Variants in CCSER1 observed in about 807,000 individuals in gnomAD.
The protein encoded by CCSER1 is serine-rich coiled-coil domain-containing protein 1.
In CCSER1, 41 loss-of-function variants were observed where a neutral mutation model predicts 82.0. The ratio of observed to expected loss-of-function variants is 0.50; its 90% confidence interval spans 0.39 to 0.65. The LOEUF (loss-of-function observed/expected upper bound fraction) is 0.65. Ranked by LOEUF, CCSER1 falls within the 30% of genes least tolerant of loss-of-function variation. The pLI, the probability that CCSER1 is intolerant of heterozygous loss-of-function variation, is 0.00. For missense variants in CCSER1, 1,119 were observed against 1,064.2 expected, an observed-to-expected ratio of 1.05 and a Z score of -0.72; for synonymous variants, 414 against 383.9, an observed-to-expected ratio of 1.08 and a Z score of -0.92.
intron 9 of CCSER1, among the ~76,000 whole-genome samples, chr4:91,003,319 G>A (rs928875844): frequency 6.6e-6 from 1 of 152,170 alleles, no homozygotes; most frequent in Non-Finnish European, 1.5e-5. Context: ...TCAGTTACCA[G>A]GGTTGGTAGG....
chr4:91,510,521 AT>A (rs1560727071), intron 10 of CCSER1, among the ~76,000 whole-genome samples: 1 of 152,176 alleles, frequency 6.6e-6, no homozygotes, highest in Non-Finnish European at 1.5e-5. Flanking sequence ...AATAATAACC[AT>A]TCTGACTGAC....
intron 5 of CCSER1, among the ~76,000 whole-genome samples, chr4:90,591,449 G>A (rs12646504): frequency 0.32 from 49,200 of 151,946 alleles, 8,556 homozygotes; most frequent in East Asian, 0.47. Context: ...CACCATCACT[G>A]GTCATTAGAG....
At chr4:90,349,748 C>A (rs1743084112) in intron 3 of CCSER1, among the ~76,000 whole-genome samples, 2 of 151,964 alleles carry the variant, frequency 1.3e-5, no homozygotes, top group South Asian at 4.1e-4. Context: ...ATTAGAGTTA[C>A]AACAGTAACT....
chr4:90,241,717 A>G (rs1746878217), intron 1 of CCSER1, among the ~76,000 whole-genome samples: 1 of 152,228 alleles, frequency 6.6e-6, no homozygotes. Flanking sequence ...ACATGAATAA[A>G]TCCAACAGAT....
intron 1 of CCSER1, among the ~76,000 whole-genome samples, chr4:90,192,100 GT>G (rs1213010449): frequency 1.3e-5 from 2 of 152,144 alleles, no homozygotes; most frequent in Non-Finnish European, 2.9e-5. Flanking sequence ...AAGGAAAGAG[GT>G]TTAATTGGAC....
chr4:90,375,996 G>A (rs1369953146), intron 3 of CCSER1, among the ~76,000 whole-genome samples: 1 of 152,112 alleles, frequency 6.6e-6, no homozygotes, highest in Admixed American at 6.6e-5. Flanking sequence ...AAAAACACTT[G>A]TTCTAGGGGC....
At chr4:90,206,177 T>A (rs1483453137) in intron 1 of CCSER1, among the ~76,000 whole-genome samples, 1 of 152,108 alleles carries the variant, frequency 6.6e-6, no homozygotes, top group Non-Finnish European at 1.5e-5. Flanking sequence ...TTTGAAGGGT[T>A]TTTTTGTGTC....
chr4:91,423,528 A>G (rs1753799717), intron 10 of CCSER1, among the ~76,000 whole-genome samples: 1 of 152,152 alleles, frequency 6.6e-6, no homozygotes, highest in Non-Finnish European at 1.5e-5. Flanking sequence ...AGGTGAAAGA[A>G]ATACTTAATA....
rs562928375 is a variant in CCSER1 at position 90,275,278 on chromosome 4, A to T, written c.-41-32966A>T. 2.1e-4 allele frequency among the ~76,000 whole-genome samples: 32 copies of T among 152,262 alleles called. 2 individuals carry two copies. The South Asian group carries it at 6.6e-3, about 32-fold the overall frequency. On this transcript the variant is annotated intron_variant, in intron 1 of 10. Transcript: ENST00000509176. ...AATGAGTTTTCAAACATGCAGTCAC[A>T]TAAGTGTGACTTTTAAGTCAATGTG...
chr4:90,470,813 G>A (rs1764297113), intron 5 of CCSER1, among the ~76,000 whole-genome samples: 1 of 145,512 alleles, frequency 6.9e-6, no homozygotes, highest in South Asian at 2.2e-4. Context: ...TCATTGGATT[G>A]GCTTTGACTA....
intron 10 of CCSER1, among the ~76,000 whole-genome samples, chr4:91,164,207 A>G (rs1731770778): frequency 2.0e-5 from 3 of 152,180 alleles, no homozygotes; most frequent in Non-Finnish European, 4.4e-5. Flanking sequence ...TTGGCTGGAT[A>G]TGAAATTCTG....
chr4:90,563,674 A>C (rs911439792), intron 5 of CCSER1, among the ~76,000 whole-genome samples: 1 of 151,920 alleles, frequency 6.6e-6, no homozygotes, highest in Non-Finnish European at 1.5e-5. Context: ...CATTTTCTTT[A>C]TTCATTCATG....
At chr4:90,828,884 T>C (rs1760803527) in intron 8 of CCSER1, among the ~76,000 whole-genome samples, 1 of 152,120 alleles carries the variant, frequency 6.6e-6, no homozygotes, top group Non-Finnish European at 1.5e-5. Context: ...CAATGTCACA[T>C]TATTAAATTA....
At chr4:90,984,482 T>C (rs2150430670) in intron 9 of CCSER1, among the ~76,000 whole-genome samples, 1 of 151,810 alleles carries the variant, frequency 6.6e-6, no homozygotes, top group South Asian at 2.1e-4. Context: ...GCAAGATGGC[T>C]ATAATTACAA....
intron 9 of CCSER1, among the ~76,000 whole-genome samples, chr4:90,993,940 TATG>T (rs1737264304): frequency 6.6e-6 from 1 of 152,168 alleles, no homozygotes; most frequent in Non-Finnish European, 1.5e-5. Context: ...ATGTCAGCAT[TATG>T]ATAAGTGCTC....
At chr4:90,839,735 G>T (rs1762321113) in intron 8 of CCSER1, among the ~76,000 whole-genome samples, 1 of 152,160 alleles carries the variant, frequency 6.6e-6, no homozygotes, top group African/African-American at 2.4e-5. Context: ...TTCTGTTGTT[G>T]AAGTAAAGGT....
chr4:90,653,106 T>A (rs1392414111), intron 6 of CCSER1, among the ~76,000 whole-genome samples: 1 of 152,146 alleles, frequency 6.6e-6, no homozygotes, highest in African/African-American at 2.4e-5. Context: ...ATAAAATAGA[T>A]TTATTTGGTA....
rs1742011913 is a variant in CCSER1 at position 90,344,681 on chromosome 4, T to C, written c.1509+31634T>C. ...TTAAATTCATGATAAGGTCAAAAAATTGTTAAGTTGAACTATTATTAAGTT... is the reference window on the plus strand; with the variant it reads ...TTAAATTCATGATAAGGTCAAAAAACTGTTAAGTTGAACTATTATTAAGTT... On this transcript the variant is annotated intron_variant, in intron 3 of 10. Coordinates refer to ENST00000509176, the MANE Select transcript of CCSER1 (RefSeq NM_001145065.2). Among the ~76,000 whole-genome samples, 3 of 152,230 alleles carry C rather than the reference T, an allele frequency of 2.0e-5. No homozygotes were observed. In the Middle Eastern group the frequency reaches 0.01, roughly 518 times the overall value.
chr4:91,359,434 C>T (rs1248296500), intron 10 of CCSER1, among the ~76,000 whole-genome samples: 1 of 151,722 alleles, frequency 6.6e-6, no homozygotes, highest in Non-Finnish European at 1.5e-5. Flanking sequence ...TCTCTCTTAC[C>T]TCAATCTCAT....
Sources: gnomAD v4.1 joint callset for allele counts (sites outside exome capture counted in the v4.1 genomes callset) on GRCh38, gnomAD v4.1.1 for gene constraint, MANE v1.5 for transcripts, NCBI Gene and HGNC (gene_info 2026-07-23, HGNC 2026-07-21) for gene names.